Variants in MAP2 observed in about 807,000 individuals in gnomAD.
MAP2 encodes microtubule-associated protein 2.
MAP2 carries 14 observed loss-of-function variants against 137.6 expected under a neutral mutation model. That is an observed-to-expected ratio of 0.10 (90% CI 0.07 to 0.16). MAP2 has a LOEUF of 0.16. MAP2 is among the 10% of genes least tolerant of loss of function. MAP2 has a pLI of 1.00. For missense variants in MAP2, 2,088 were observed against 2,191.5 expected (o/e 0.95, Z 0.94); for synonymous variants, 786 against 782.3 (o/e 1.00, Z -0.08).
intron 2 of MAP2, among the ~76,000 whole-genome samples, chr2:209,530,857 G>A (rs968978476): frequency 6.6e-6 from 1 of 152,108 alleles, no homozygotes; most frequent in Non-Finnish European, 1.5e-5. Flanking sequence ...TGTCTGTTGG[G>A]TTGCAAAATG....
At chr2:209,499,655 A>T (rs1341500723) in intron 1 of MAP2, among the ~76,000 whole-genome samples, 2 of 152,216 alleles carry the variant, frequency 1.3e-5, no homozygotes, top group African/African-American at 4.8e-5. Flanking sequence ...CAGGAAACAC[A>T]GTGCCGGCAT....
intron 3 of MAP2, among the ~76,000 whole-genome samples, chr2:209,624,804 T>C (rs1299766371): frequency 6.6e-6 from 1 of 152,166 alleles, no homozygotes; most frequent in African/African-American, 2.4e-5. Flanking sequence ...GCCATTGGAG[T>C]GGTTTTCAAA....
intron 2 of MAP2, among the ~76,000 whole-genome samples, chr2:209,539,661 AT>A (rs1255501560): frequency 6.6e-6 from 1 of 152,250 alleles, no homozygotes; most frequent in East Asian, 1.9e-4. Context: ...TTATAATCTA[AT>A]TATATTTACA....
intron 5 of MAP2, among the ~76,000 whole-genome samples, chr2:209,670,992 A>T (rs1007083465): frequency 3.9e-5 from 6 of 152,028 alleles, no homozygotes; most frequent in Non-Finnish European, 7.4e-5. Flanking sequence ...TTAAGTACCC[A>T]TCAGAGCTGA....
intron 1 of MAP2, among the ~76,000 whole-genome samples, chr2:209,433,776 T>G (rs1461850660): frequency 1.3e-5 from 2 of 152,100 alleles, no homozygotes; most frequent in African/African-American, 2.4e-5. Flanking sequence ...TCATTTTTTT[T>G]TGGCTGTTGG....
chr2:209,684,972 C>G (rs1168018668), intron 7 of MAP2, among the ~76,000 whole-genome samples: 1 of 150,788 alleles, frequency 6.6e-6, no homozygotes, highest in Non-Finnish European at 1.5e-5. Flanking sequence ...ACTGAAGACA[C>G]AGATGCTAAG....
At chr2:209,609,387 A>T (rs1202553272) in intron 3 of MAP2, among the ~76,000 whole-genome samples, 1 of 152,106 alleles carries the variant, frequency 6.6e-6, no homozygotes, top group African/African-American at 2.4e-5. Context: ...CTTTAAATTA[A>T]ATAGTTCAGT....
At chr2:209,516,136 T>C (rs1204349485) in intron 2 of MAP2, among the ~76,000 whole-genome samples, 3 of 152,114 alleles carry the variant, frequency 2.0e-5, no homozygotes, top group Non-Finnish European at 4.4e-5. Flanking sequence ...CTGTGAAGTA[T>C]GTTAGTTCTT....
intron 13 of MAP2, among the ~76,000 whole-genome samples, chr2:209,724,792 T>C (rs933255979): frequency 1.3e-5 from 2 of 152,206 alleles, no homozygotes; most frequent in Non-Finnish European, 2.9e-5. Flanking sequence ...CCCCAGACTG[T>C]AAGTATACAC....
At position 209,730,377 on chromosome 2, in the gene MAP2, C is replaced by A. The variant is rs1045441874; in HGVS notation, c.5464C>A (p.Leu1822Ile). 4 of 1,613,630 alleles carry A rather than the reference C, an allele frequency of 2.5e-6. No individual in the cohort carries two copies. The highest frequency in any genetic ancestry group is 3.4e-6 in the Non-Finnish European group (4 of 1,179,770). Residue 1822 changes from leucine (L) to isoleucine (I), a missense_variant, in exon 16 of 16, where the codon CTC becomes ATC. This residue lies in a region of MAP2 where 112 missense variants were observed against 201.0 expected (regional missense o/e 0.56). Coordinates refer to ENST00000682079, the MANE Select transcript of MAP2 (RefSeq NM_001375505.1). ...TTTGGCTGAGGATGTCACTGCTGCACTCGCTAAGCAGGGCTTGTGAATATT... is the reference window on the plus strand; with the variant it reads ...TTTGGCTGAGGATGTCACTGCTGCAATCGCTAAGCAGGGCTTGTGAATATT... ...ATLAEDVTAA[L>I]AKQGL is the part of the protein sequence containing the mutation.
At chr2:209,538,153 T>C (rs961478446) in intron 2 of MAP2, among the ~76,000 whole-genome samples, 1 of 152,172 alleles carries the variant, frequency 6.6e-6, no homozygotes, top group Admixed American at 6.5e-5. Flanking sequence ...AGACTTTGAA[T>C]TTTTGGATTT....
At chr2:209,537,220 A>AT (rs1324070119) in intron 2 of MAP2, among the ~76,000 whole-genome samples, 5 of 151,952 alleles carry the variant, frequency 3.3e-5, no homozygotes, top group African/African-American at 1.2e-4. Flanking sequence ...CTTTTAAATT[A>AT]TTTTTTGTAT....
At chr2:209,587,789 C>A (rs1460183584) in intron 3 of MAP2, among the ~76,000 whole-genome samples, 2 of 152,194 alleles carry the variant, frequency 1.3e-5, no homozygotes, top group African/African-American at 4.8e-5. Context: ...GCTTAAGGGG[C>A]TAGTTCTCTC....
chr2:209,506,034 G>A (rs2061009411), intron 1 of MAP2, among the ~76,000 whole-genome samples: 1 of 151,980 alleles, frequency 6.6e-6, no homozygotes, highest in African/African-American at 2.4e-5. Flanking sequence ...TTACAGTGGT[G>A]CCCTGGACCA....
At chr2:209,682,776 T>C (rs901033603) in intron 7 of MAP2, among the ~76,000 whole-genome samples, 1 of 151,922 alleles carries the variant, frequency 6.6e-6, no homozygotes, top group African/African-American at 2.4e-5. Flanking sequence ...CCGTGGCTGA[T>C]GGGTAGTGAG....
At chr2:209,598,798 T>C (rs2082149567) in intron 3 of MAP2, among the ~76,000 whole-genome samples, 1 of 150,446 alleles carries the variant, frequency 6.6e-6, no homozygotes, top group African/African-American at 2.4e-5. Flanking sequence ...TATGGCTGCA[T>C]AGTATTCCAT....
chr2:209,564,735 A>G (rs1247060462), intron 2 of MAP2, among the ~76,000 whole-genome samples: 1 of 152,008 alleles, frequency 6.6e-6, no homozygotes, highest in Non-Finnish European at 1.5e-5. Context: ...CCTTCTCATA[A>G]TCCTCACTTC....
At chr2:209,590,089 G>A (rs533382875) in intron 3 of MAP2, among the ~76,000 whole-genome samples, 50 of 152,070 alleles carry the variant, frequency 3.3e-4, no homozygotes, top group African/African-American at 1.1e-3. Flanking sequence ...TCAGTGCAGC[G>A]ACCCACCTCT....
In MAP2 at chr2:209,638,251, TC is replaced by T. The variant is rs1484090969; in HGVS notation, c.-30+13123del. Among the ~76,000 whole-genome samples the T allele has an allele frequency of 3.3e-5, 5 of 152,184 alleles. No individual in the cohort carries two copies. The East Asian group carries it at 9.7e-4, about 29-fold the overall frequency. On this transcript the variant is annotated intron_variant, in intron 4 of 15. Coordinates refer to ENST00000682079, the MANE Select transcript of MAP2 (RefSeq NM_001375505.1). ...TCACTCTGGGGCACACTAAGATAAA[TC>T]TACTCAAAGAGAGAAGTCAAACAGT... is the stretch of plus-strand genomic sequence containing the variant.
Sources: allele counts gnomAD v4.1 joint callset (sites outside exome capture counted in the v4.1 genomes callset), GRCh38; gene constraint gnomAD v4.1.1; regional missense constraint gnomAD v4.1.1; transcripts MANE v1.5; gene names NCBI Gene and HGNC (gene_info 2026-07-23, HGNC 2026-07-21).